WASHC4: variants seen among roughly 807,000 people sequenced by gnomAD.
The protein encoded by WASHC4 is WASH complex subunit 7.
In WASHC4, 86 loss-of-function variants were observed where a neutral mutation model predicts 166.6. The observed-to-expected ratio is 0.52, with a 90% CI of 0.43 to 0.62. WASHC4 has a LOEUF of 0.62. Ranked by LOEUF, WASHC4 falls within the 20% of genes least tolerant of loss-of-function variation. WASHC4 has a pLI of 0.00. For missense variants in WASHC4, 1,262 were observed against 1,382.4 expected, an observed-to-expected ratio of 0.91 and a Z score of 1.38; for synonymous variants, 446 against 451.6, an observed-to-expected ratio of 0.99 and a Z score of 0.16.
Position 105,107,829 on chromosome 12 carries a change from G to C in WASHC4, c.29G>C (p.Trp10Ser). Residue 10 changes from tryptophan to serine, a missense_variant, in exon 1 of 33, where the codon TGG becomes TCG. Trp to Ser is a radical substitution (Grantham distance 177). Transcript: ENST00000332180. MAVETLSPD[W>S]EFDRVDDGSQ... Reference sequence around the variant, plus strand: ...GCGGTGGAGACTCTGTCCCCGGACTGGGAGTTTGACCGCGTTGACGACGGC... The same window carrying C: ...GCGGTGGAGACTCTGTCCCCGGACTCGGAGTTTGACCGCGTTGACGACGGC... 6.4e-7 allele frequency: 1 copy of C among 1,551,108 alleles called. No individual in the cohort carries two copies. The highest frequency in any genetic ancestry group is 8.7e-7 in the Non-Finnish European group (1 of 1,146,630).
intron 31 of WASHC4, 35 bp downstream of exon 31, chr12:105,164,342 C>T (rs771428389): frequency 4.5e-6 from 7 of 1,563,310 alleles, no homozygotes; most frequent in Non-Finnish European, 4.4e-6. Context: ...TCTGCTTTGA[C>T]TTACCATTTG....
Position 105,143,122 on chromosome 12 carries a change from CT to C in WASHC4, c.1894-3del. ...AATTCATGTACATTTTAATTTTCTT[CT>C]TAGTACATGTTCAGTGCTTTGCGCG... is the stretch of plus-strand genomic sequence containing the variant. On this transcript the variant is annotated splice_polypyrimidine_tract_variant and splice_region_variant and intron_variant, in intron 19 of 32. Transcript: ENST00000332180. The C allele has an allele frequency of 6.3e-7, 1 of 1,576,156 alleles. No individual in the cohort carries two copies. The highest frequency in any genetic ancestry group is 8.7e-7 in the Non-Finnish European group (1 of 1,146,338).
intron 13 of WASHC4, among the ~76,000 whole-genome samples, chr12:105,129,217 T>C (rs1019023409): frequency 1.3e-5 from 2 of 152,142 alleles, no homozygotes; most frequent in South Asian, 4.1e-4. Flanking sequence ...CTGCTGGGAT[T>C]ACAGGCGTGA....
intron 29 of WASHC4, among the ~76,000 whole-genome samples, chr12:105,161,976 G>C (rs1392348314): frequency 6.6e-6 from 1 of 152,190 alleles, no homozygotes; most frequent in Non-Finnish European, 1.5e-5. Context: ...AATTCAGCTT[G>C]TCAGTCACAC....
intron 1 of WASHC4, among the ~76,000 whole-genome samples, chr12:105,109,721 A>T (rs146660893): frequency 0.029 from 3,950 of 136,252 alleles, 64 homozygotes; most frequent in Non-Finnish European, 0.043. Flanking sequence ...GCCACGGCTC[A>T]CTGCAGCCTC....
At chr12:105,131,868 G>A (rs1881854368) in intron 13 of WASHC4, among the ~76,000 whole-genome samples, 1 of 152,146 alleles carries the variant, frequency 6.6e-6, no homozygotes, top group Non-Finnish European at 1.5e-5. Context: ...CTCAGATTTT[G>A]TGCTAGGGTT....
At chr12:105,155,913 A>G (rs544772638) in intron 26 of WASHC4, among the ~76,000 whole-genome samples, 1 of 152,174 alleles carries the variant, frequency 6.6e-6, no homozygotes, top group Non-Finnish European at 1.5e-5. Context: ...TAGATATTAT[A>G]CAACACTGGG....
intron 6 of WASHC4, among the ~76,000 whole-genome samples, chr12:105,117,169 T>C (rs907174172): frequency 6.6e-5 from 10 of 152,344 alleles, no homozygotes; most frequent in Non-Finnish European, 1.2e-4. Context: ...ATATGTATTT[T>C]ACATGCATAG....
rs80124346 is a variant in WASHC4 at position 105,113,427 on chromosome 12, A to G, written c.202-789A>G. Among the ~76,000 whole-genome samples the G allele has an allele frequency of 3.2e-3, 492 of 152,108 alleles. 20 individuals carry two copies. The East Asian group carries it at 0.072, about 22-fold the overall frequency. ...CCCCTACAGAAGCTTTCTAATCTTT[A>G]CAATCTTATTATATGACAGACTCCA... On this transcript the variant is annotated intron_variant, in intron 2 of 32. Transcript: ENST00000332180.
At position 105,120,556 on chromosome 12, in the gene WASHC4, A is replaced by G. The variant is rs767388183; in HGVS notation, c.520A>G (p.Ile174Val). The change falls in exon 8 of 33, where the codon ATT becomes GTT. Residue 174 changes from isoleucine (I) to valine (V), a missense_variant and splice_region_variant. Physicochemically the swap from Ile to Val is conservative, Grantham distance 29 (BLOSUM62 3). Transcript: ENST00000332180. Reference protein sequence around the residue: ...QLAALYISNKIAPKIIETTGV... With the variant: ...QLAALYISNKVAPKIIETTGV... Reference sequence around the variant, plus strand: ...AACTTGGTTGTTATTTTATTATAGGATTGCACCCAAAATTATAGAGACAAC... The same window carrying G: ...AACTTGGTTGTTATTTTATTATAGGGTTGCACCCAAAATTATAGAGACAAC... The G allele has an allele frequency of 4.4e-6, 7 of 1,593,480 alleles. No individual in the cohort carries two copies.
chr12:105,165,633 T>G (rs540281562), intron 32 of WASHC4, among the ~76,000 whole-genome samples: 17 of 151,610 alleles, frequency 1.1e-4, no homozygotes, highest in African/African-American at 3.9e-4. Flanking sequence ...TAATCTTATT[T>G]TATGTTAATT....
intron 24 of WASHC4, chr12:105,147,447 G>A (rs1390803136): frequency 2.6e-6 from 1 of 387,078 alleles, no homozygotes; most frequent in Non-Finnish European, 4.5e-6. Context: ...ATATATATAT[G>A]TTTATCTGTG....
intron 6 of WASHC4, among the ~76,000 whole-genome samples, chr12:105,117,632 T>G (rs1880313468): frequency 6.6e-6 from 1 of 152,236 alleles, no homozygotes; most frequent in Admixed American, 6.5e-5. Context: ...AAATTCCGTT[T>G]TTAAACATTC....
intron 18 of WASHC4, 32 bp downstream of exon 18, chr12:105,141,278 C>A: frequency 7.5e-7 from 1 of 1,335,978 alleles, no homozygotes. Flanking sequence ...TGTGGTACTC[C>A]AAAGACAGGG....
At position 105,121,174 on chromosome 12, in the gene WASHC4, C is replaced by T; in HGVS notation, c.635C>T (p.Thr212Ile). ...TLDEIIDNHI[T>I]LKDHWTMYKR... Reference sequence around the variant, plus strand: ...GATGAAATTATTGATAATCATATCACACTGAAAGACCACTGGACTATGTAC... The same window carrying T: ...GATGAAATTATTGATAATCATATCATACTGAAAGACCACTGGACTATGTAC... Residue 212 changes from threonine (T) to isoleucine (I), a missense_variant, in exon 9 of 33, where the codon ACA (threonine) becomes ATA (isoleucine). Transcript: ENST00000332180. 6.2e-7 allele frequency: 1 copy of T among 1,603,846 alleles called. No homozygotes were observed. The highest frequency in any genetic ancestry group is 8.5e-7 in the Non-Finnish European group (1 of 1,171,246).
chr12:105,146,332 C>A (rs1592899424), intron 22 of WASHC4, 120 bp from the exon 23 acceptor site: 1 of 697,354 alleles, frequency 1.4e-6, no homozygotes, highest in South Asian at 1.8e-5. Context: ...TTATATAGTT[C>A]TTTAAAATAA....
chr12:105,136,948 T>C (rs1269690620), intron 14 of WASHC4, among the ~76,000 whole-genome samples: 2 of 152,156 alleles, frequency 1.3e-5, no homozygotes, highest in Non-Finnish European at 2.9e-5. Flanking sequence ...GAGAATACTT[T>C]CTTTCACATG....
At chr12:105,109,443 T>TA (rs1199472964) in intron 1 of WASHC4, among the ~76,000 whole-genome samples, 2 of 152,228 alleles carry the variant, frequency 1.3e-5, no homozygotes, top group African/African-American at 4.8e-5. Flanking sequence ...ATGAGCATGT[T>TA]AAGTAGGTTT....
At chr12:105,135,465 T>C (rs954391274) in intron 14 of WASHC4, among the ~76,000 whole-genome samples, 1 of 151,786 alleles carries the variant, frequency 6.6e-6, no homozygotes, top group Non-Finnish European at 1.5e-5. Context: ...TTGTTTTTGT[T>C]AAGAAGTCAA....
Sources: allele counts gnomAD v4.1 joint callset (sites outside exome capture counted in the v4.1 genomes callset), GRCh38; gene constraint gnomAD v4.1.1; transcripts MANE v1.5; gene names NCBI Gene and HGNC (gene_info 2026-07-23, HGNC 2026-07-21).